IRGM: variants seen among roughly 807,000 people sequenced by gnomAD.
IRGM encodes immunity related GTPase M.
For synonymous variants in IRGM, 98 were observed against 80.6 expected (o/e 1.22, Z -1.16); for missense variants, 288 against 219.9 (o/e 1.31, Z -1.96).
chr5:150,866,311 G>A (rs1432901521), intron 1 of IRGM, among the ~76,000 whole-genome samples: 4 of 152,174 alleles, frequency 2.6e-5, no homozygotes, highest in Non-Finnish European at 5.9e-5. Context: ...CTCACCTGAG[G>A]GTGTGGGAGT....
chr5:150,859,181 T>C (rs1295804672), intron 1 of IRGM, among the ~76,000 whole-genome samples: 1 of 152,232 alleles, frequency 6.6e-6, no homozygotes, highest in Non-Finnish European at 1.5e-5. Context: ...TCTATTGAGA[T>C]AATGATGTGG....
chr5:150,848,558 G>A lies in IRGM; in HGVS notation c.435G>A (p.Trp145Ter). The change falls in exon 2 of 2, where the codon TGG becomes TGA. Residue 145 changes from tryptophan (W) to a stop codon, truncating the protein, a stop_gained. Transcript: ENST00000522154. LOFTEE classifies it low-confidence loss of function (END_TRUNC). ...EDMGKKFYIVWTKLDMDLSTG... is the reference protein window; with the variant it reads ...EDMGKKFYIV ...TGGGAAAGAAGTTCTACATTGTCTG[G>A]ACCAAGCTAGACATGGACCTCAGCA... is the stretch of plus-strand genomic sequence containing the variant. 1.3e-6 allele frequency: 2 copies of A among 1,551,796 alleles called. No individual in the cohort carries two copies. The highest frequency in any genetic ancestry group is 1.2e-5 in the South Asian group (1 of 84,052).
At chr5:150,855,733 A>G (rs1320644423) in intron 1 of IRGM, among the ~76,000 whole-genome samples, 1 of 152,204 alleles carries the variant, frequency 6.6e-6, no homozygotes, top group Non-Finnish European at 1.5e-5. Flanking sequence ...TGGTTACCAG[A>G]GTGGAGCAGA....
Position 150,863,245 on chromosome 5 carries a change from A to C in IRGM, c.158+14591A>C, listed in dbSNP as rs142998668. ...ATAATGGTATGACTAGTGAATATGA[A>C]GTAAAGCTGCAGAAAAAAGTTTTAG... On this transcript the variant is annotated intron_variant and NMD_transcript_variant, in intron 1 of 3. Coordinates refer to the IRGM transcript ENST00000520549. 9.5e-4 allele frequency among the ~76,000 whole-genome samples: 144 copies of C among 152,348 alleles called. 1 individual carries two copies. Among genetic ancestry groups the C allele is most frequent in the African/African-American group, 3.3e-3 (138 of 41,580 alleles).
In IRGM at chr5:150,848,340, C is replaced by T. The variant is rs563186745; in HGVS notation, c.217C>T (p.Gln73Ter). The T allele has an allele frequency of 2.9e-5, 45 of 1,551,812 alleles. No individual in the cohort carries two copies. Among genetic ancestry groups the T allele is most frequent in the Non-Finnish European group, 3.7e-5 (42 of 1,146,974 alleles). ...SPPTELVKATQRCASYFSSHF... is the reference protein window; with the variant it reads ...SPPTELVKAT ...TCCTACTGAGCTGGTAAAAGCTACCCAAAGATGTGCCTCCTATTTCTCTTC... is the reference window on the plus strand; with the variant it reads ...TCCTACTGAGCTGGTAAAAGCTACCTAAAGATGTGCCTCCTATTTCTCTTC... Residue 73 changes from glutamine to a stop codon, truncating the protein, a stop_gained, in exon 2 of 2, where the codon CAA becomes TAA. Coordinates refer to ENST00000522154, the MANE Select transcript of IRGM (RefSeq NM_001145805.2). LOFTEE classifies it low-confidence loss of function (END_TRUNC).
At chr5:150,881,807 A>G (rs1299426343) in intron 3 of IRGM, among the ~76,000 whole-genome samples, 1 of 152,218 alleles carries the variant, frequency 6.6e-6, no homozygotes, top group East Asian at 1.9e-4. Context: ...CAGTTAAAAT[A>G]GCATAATCGG....
At chr5:150,874,518 T>C (rs1754334619) in intron 1 of IRGM, among the ~76,000 whole-genome samples, 1 of 152,218 alleles carries the variant, frequency 6.6e-6, no homozygotes. Context: ...GAAAGAGGCA[T>C]AACACCTAAT....
intron 1 of IRGM, among the ~76,000 whole-genome samples, chr5:150,876,302 G>A (rs1754361947): frequency 6.6e-6 from 1 of 152,230 alleles, no homozygotes; most frequent in East Asian, 1.9e-4. Context: ...GGAAGTGGAA[G>A]TGGCACCACT....
At chr5:150,852,287 T>A (rs1753987856), downstream of IRGM, among the ~76,000 whole-genome samples, 1 of 152,210 alleles carries the variant, frequency 6.6e-6, no homozygotes, top group East Asian at 1.9e-4. Context: ...ATTATTATCT[T>A]ATATTCTTAT....
intron 3 of IRGM, among the ~76,000 whole-genome samples, chr5:150,887,448 G>C (rs1387016407): frequency 6.6e-6 from 1 of 151,972 alleles, no homozygotes; most frequent in Non-Finnish European, 1.5e-5. Flanking sequence ...GTTATGTAAA[G>C]TGTCTAAATC....
chr5:150,899,258 C>G (rs1581661732), intron 3 of IRGM, among the ~76,000 whole-genome samples: 1 of 151,664 alleles, frequency 6.6e-6, no homozygotes, highest in African/African-American at 2.4e-5. Flanking sequence ...TCCTAGCAAA[C>G]CAATACACTA....
intron 1 of IRGM, among the ~76,000 whole-genome samples, chr5:150,865,527 T>C (rs982385923): frequency 7.2e-5 from 11 of 152,166 alleles, no homozygotes; most frequent in Non-Finnish European, 1.2e-4. Context: ...AAAATACATA[T>C]ACATTATTCA....
chr5:150,857,974 G>C (rs1754082071), intron 1 of IRGM, among the ~76,000 whole-genome samples: 1 of 151,858 alleles, frequency 6.6e-6, no homozygotes, highest in African/African-American at 2.4e-5. Flanking sequence ...CATTGCTTTT[G>C]GTGTTTTAAA....
At chr5:150,866,205 C>T (rs773372549) in intron 1 of IRGM, among the ~76,000 whole-genome samples, 5 of 152,184 alleles carry the variant, frequency 3.3e-5, no homozygotes, top group African/African-American at 9.7e-5. Context: ...TAAGTCATTT[C>T]CAGTATCCTG....
chr5:150,882,088 G>A (rs149355132), intron 3 of IRGM, among the ~76,000 whole-genome samples: 4 of 152,092 alleles, frequency 2.6e-5, no homozygotes, highest in African/African-American at 9.6e-5. Flanking sequence ...AGGCTGAGGT[G>A]GGAGACTCAC....
At position 150,848,095 on chromosome 5, in the gene IRGM, C is replaced by T. The variant is rs1753904635; in HGVS notation, c.-29C>T. 2 of 1,510,984 alleles carry T rather than the reference C, an allele frequency of 1.3e-6. No homozygotes were observed. The highest frequency in any genetic ancestry group is 1.8e-6 in the Non-Finnish European group (2 of 1,124,860). The allele number at this position is 1,510,984 out of a possible 1,614,324, so 93.6% of individuals were successfully genotyped here. ...GGATTACAGGCATGAGCCACGGCGC[C>T]TGGCCAGCATTGGGGTATTTTATTG... On this transcript the variant is annotated 5_prime_UTR_variant, in exon 2 of 2. Transcript: ENST00000522154.
chr5:150,895,580 T>G (rs1305655307), intron 3 of IRGM: 1 of 1,613,406 alleles, frequency 6.2e-7, no homozygotes, highest in Non-Finnish European at 8.5e-7. Context: ...CCTTTCCACA[T>G]TCAGCACATA....
intron 1 of IRGM, among the ~76,000 whole-genome samples, chr5:150,871,522 A>G (rs1395540373): frequency 6.6e-6 from 1 of 152,160 alleles, no homozygotes; most frequent in Non-Finnish European, 1.5e-5. Flanking sequence ...CCTCTGCTGC[A>G]TGAGGGACCT....
intron 1 of IRGM, among the ~76,000 whole-genome samples, chr5:150,854,401 G>T (rs1490627471): frequency 1.3e-5 from 2 of 151,970 alleles, no homozygotes; most frequent in Non-Finnish European, 2.9e-5. Flanking sequence ...CTTTACCGGA[G>T]ATCTTTATAT....
Sources: gnomAD v4.1 joint callset for allele counts (sites outside exome capture counted in the v4.1 genomes callset) on GRCh38, gnomAD v4.1.1 for gene constraint, MANE v1.5 for transcripts, NCBI Gene and HGNC (gene_info 2026-07-23, HGNC 2026-07-21) for gene names.